Variants in PTPN2 observed in about 807,000 individuals in gnomAD.
PTPN2 encodes protein tyrosine phosphatase non-receptor type 2.
PTPN2 carries 19 observed loss-of-function variants against 57.3 expected under a neutral mutation model. The ratio of observed to expected loss-of-function variants is 0.33; its 90% CI spans 0.23 to 0.49. The LOEUF is 0.49. Among genes scored for constraint, PTPN2 ranks in the 20% least tolerant of loss-of-function variants. The probability of loss-of-function intolerance (pLI) is 0.99; values close to 1 mark genes in which losing one functional copy is unlikely to be tolerated. For missense variants in PTPN2, 358 were observed against 501.1 expected (o/e 0.71, Z 2.73); for synonymous variants, 153 against 164.9 (o/e 0.93, Z 0.55).
At chr18:12,875,071 G>C (rs1177326098) in intron 1 of PTPN2, among the ~76,000 whole-genome samples, 1 of 152,112 alleles carries the variant, frequency 6.6e-6, no homozygotes, top group Non-Finnish European at 1.5e-5. Flanking sequence ...ATTAAGGGCA[G>C]TGCAAGATGT....
At chr18:12,876,021 A>C (rs776924570) in intron 1 of PTPN2, among the ~76,000 whole-genome samples, 4 of 152,140 alleles carry the variant, frequency 2.6e-5, no homozygotes, top group Non-Finnish European at 5.9e-5. Flanking sequence ...CAGTCTGGAC[A>C]ACATGGTGAG....
chr18:12,793,801 C>A lies in PTPN2; in HGVS notation c.*477G>T. On this transcript the variant is annotated 3_prime_UTR_variant, in exon 9 of 9. Coordinates refer to ENST00000309660, the MANE Select transcript of PTPN2 (RefSeq NM_002828.4). ...TATAAAATATATTTACCCTGAAATG[C>A]TTAAGAATAAAAGTGTTGATGCCCA... 1 of 940,586 alleles carries A rather than the reference C, an allele frequency of 1.1e-6. No individual in the cohort carries two copies. The highest frequency in any genetic ancestry group is 5.9e-5 in the Admixed American group (1 of 17,080). The allele number at this position is 940,586 out of a possible 1,614,324, so 58.3% of individuals were successfully genotyped here.
At chr18:12,815,215 C>G (rs1045031026) in intron 6 of PTPN2, among the ~76,000 whole-genome samples, 3 of 151,748 alleles carry the variant, frequency 2.0e-5, no homozygotes, top group African/African-American at 4.8e-5. Context: ...AGATTGAGAC[C>G]TTCCTGGACA....
At chr18:12,857,505 T>TA (rs531229346) in intron 2 of PTPN2, among the ~76,000 whole-genome samples, 3 of 152,204 alleles carry the variant, frequency 2.0e-5, no homozygotes, top group Non-Finnish European at 4.4e-5. Flanking sequence ...CATCCAAATC[T>TA]ACAATTTTCA....
intron 8 of PTPN2, 124 bp downstream of exon 8, chr18:12,801,846 G>A: frequency 1.0e-6 from 1 of 958,512 alleles, no homozygotes; most frequent in Non-Finnish European, 1.5e-6. Flanking sequence ...TGAGATTACA[G>A]GCGTGATTGT....
At chr18:12,847,705 C>T (rs1325768386) in intron 2 of PTPN2, among the ~76,000 whole-genome samples, 2 of 150,946 alleles carry the variant, frequency 1.3e-5, no homozygotes, top group African/African-American at 2.4e-5. Context: ...TCACTGTCAC[C>T]TCCACCTCCC....
At chr18:12,821,259 T>C (rs1301317881) in intron 5 of PTPN2, 4 of 152,232 alleles carry the variant, frequency 2.6e-5, no homozygotes, top group Non-Finnish European at 5.9e-5. Context: ...AAACAATTAA[T>C]GTGAAGTGCC....
exon 10 of PTPN2, chr18:12,785,664 C>A: frequency 1.4e-6 from 1 of 690,568 alleles, no homozygotes; most frequent in South Asian, 1.6e-5. Context: ...GGGTGCTCTT[C>A]ATCCCCTGGA....
chr18:12,803,843 A>C (rs190340896), intron 7 of PTPN2, among the ~76,000 whole-genome samples: 80 of 152,292 alleles, frequency 5.3e-4, no homozygotes, highest in East Asian at 2.7e-3. Flanking sequence ...CAACAAAAAA[A>C]CATTGGATTT....
intron 2 of PTPN2, among the ~76,000 whole-genome samples, chr18:12,852,126 C>G (rs1204895371): frequency 6.6e-6 from 1 of 150,380 alleles, no homozygotes; most frequent in Non-Finnish European, 1.5e-5. Context: ...TATTGTACAA[C>G]AATGTGCATA....
intron 2 of PTPN2, among the ~76,000 whole-genome samples, chr18:12,852,451 TCA>T (rs1433899270): frequency 3.9e-5 from 6 of 152,230 alleles, no homozygotes; most frequent in African/African-American, 1.4e-4. Flanking sequence ...CTACAATGTC[TCA>T]CAGTTAACTG....
rs1336055965 is a variant in PTPN2 at position 12,816,098 on chromosome 18, ATT to A, written c.705+1056_705+1057del. Among the ~76,000 whole-genome samples the A allele has an allele frequency of 3.9e-5, 6 of 152,270 alleles. No homozygotes were observed. The East Asian group carries it at 1.2e-3, about 29-fold the overall frequency. On this transcript the variant is annotated intron_variant, in intron 6 of 8. Coordinates refer to ENST00000309660, the MANE Select transcript of PTPN2 (RefSeq NM_002828.4). ...GCAAGAAGATCACTTGAGCCCAGGA[ATT>A]TGAGACTAGCCTGGCCAAGATAGTG...
At chr18:12,807,606 A>ATATATATATATATATATATATATATAT (rs2041729662) in intron 7 of PTPN2, among the ~76,000 whole-genome samples, 2 of 92,194 alleles carry the variant, frequency 2.2e-5, no homozygotes, top group Non-Finnish European at 4.9e-5. Flanking sequence ...TATATATATA[A>ATATATATATATATATATATATATATAT]TATAATACTA....
At chr18:12,831,800 C>T (rs1172245444) in intron 3 of PTPN2, among the ~76,000 whole-genome samples, 1 of 152,142 alleles carries the variant, frequency 6.6e-6, no homozygotes, top group Non-Finnish European at 1.5e-5. Context: ...GGCAACAGTC[C>T]ATGTTACAAC....
Position 12,870,332 on chromosome 18 carries a change from T to C in PTPN2, c.70-11078A>G, listed in dbSNP as rs79662118. 5.9e-5 allele frequency among the ~76,000 whole-genome samples: 4 copies of C among 67,544 alleles called. 1 individual carries two copies. Among genetic ancestry groups the C allele is most frequent in the Non-Finnish European group, 1.1e-4 (4 of 37,022 alleles). The allele number at this position is 67,544 out of a possible 152,430, so 44.3% of individuals were successfully genotyped here. A position where few individuals can be genotyped will look rare whatever the true frequency, so the allele number is the denominator to read the frequency against. On this transcript the variant is annotated intron_variant, in intron 1 of 8. Transcript: ENST00000309660. ...ATACATATATATGTGTATATATATG[T>C]ATATATATACATATATATGTGTATA...
At chr18:12,824,661 CA>C (rs1205827748) in intron 5 of PTPN2, among the ~76,000 whole-genome samples, 1 of 152,054 alleles carries the variant, frequency 6.6e-6, no homozygotes, top group Non-Finnish European at 1.5e-5. Context: ...ACAAAGAGGG[CA>C]AAAGAGGTAA....
At chr18:12,831,718 A>G (rs1028392555) in intron 3 of PTPN2, among the ~76,000 whole-genome samples, 1 of 152,234 alleles carries the variant, frequency 6.6e-6, no homozygotes, top group African/African-American at 2.4e-5. Flanking sequence ...CTGAACCACA[A>G]TGAAACTGTT....
At chr18:12,871,563 A>ATTT (rs34563645) in intron 1 of PTPN2, among the ~76,000 whole-genome samples, 39,981 of 151,796 alleles carry the variant, frequency 0.26, 7,248 homozygotes, top group African/African-American at 0.52. Context: ...CCTTTATGGT[A>ATTT]TTTATGTCAA....
chr18:12,871,322 C>G (rs113199822), intron 1 of PTPN2, among the ~76,000 whole-genome samples: 57 of 152,286 alleles, frequency 3.7e-4, no homozygotes, highest in African/African-American at 1.4e-3. Flanking sequence ...AGTGCCTGAG[C>G]TTCACCTACA....
Sources: gnomAD v4.1 joint callset for allele counts (sites outside exome capture counted in the v4.1 genomes callset) on GRCh38, gnomAD v4.1.1 for gene constraint, MANE v1.5 for transcripts, NCBI Gene and HGNC (gene_info 2026-07-23, HGNC 2026-07-21) for gene names.